TRPS1: variants seen among roughly 807,000 people sequenced by gnomAD.
The protein encoded by TRPS1 is zinc finger transcription factor Trps1.
TRPS1 carries 6 observed loss-of-function variants against 101.2 expected under a neutral mutation model. The observed-to-expected ratio is 0.06, with a 90% CI of 0.03 to 0.12. TRPS1 has a LOEUF of 0.12. Among genes scored for constraint, TRPS1 ranks in the 10% least tolerant of loss-of-function variants. The pLI, the probability that TRPS1 is intolerant of heterozygous loss-of-function variation, is 1.00. For synonymous variants in TRPS1, 578 were observed against 589.8 expected (o/e 0.98, Z 0.29); for missense variants, 1,363 against 1,567.0 (o/e 0.87, Z 2.20).
At chr8:115,534,560 AGT>A (rs1816235112) in intron 5 of TRPS1, among the ~76,000 whole-genome samples, 2 of 152,388 alleles carry the variant, frequency 1.3e-5, no homozygotes, top group Admixed American at 1.3e-4. Context: ...AGCAACATTC[AGT>A]CATAACACAT....
At chr8:115,501,296 T>C (rs1815313566) in intron 5 of TRPS1, among the ~76,000 whole-genome samples, 1 of 152,182 alleles carries the variant, frequency 6.6e-6, no homozygotes, top group African/African-American at 2.4e-5. Context: ...CTATGTTAGG[T>C]GGTAGAGAAC....
chr8:115,534,423 G>A (rs1226796781), intron 5 of TRPS1, among the ~76,000 whole-genome samples: 7 of 112,956 alleles, frequency 6.2e-5, no homozygotes, highest in African/African-American at 1.7e-4. Flanking sequence ...AGCTCTAACC[G>A]CAGTACCATC....
intron 1 of TRPS1, among the ~76,000 whole-genome samples, chr8:115,663,766 G>A (rs1264002503): frequency 1.4e-5 from 2 of 146,518 alleles, no homozygotes; most frequent in African/African-American, 2.5e-5. Context: ...AAAGTAGACC[G>A]CTACGATAAT....
chr8:115,572,734 G>C (rs573247346), intron 5 of TRPS1, among the ~76,000 whole-genome samples: 132 of 152,170 alleles, frequency 8.7e-4, no homozygotes, highest in Admixed American at 8.2e-3. Flanking sequence ...CTATCCATTA[G>C]ATATTTTCAT....
chr8:115,479,827 C>T (rs1345669933), intron 5 of TRPS1, among the ~76,000 whole-genome samples: 1 of 152,070 alleles, frequency 6.6e-6, no homozygotes, highest in Non-Finnish European at 1.5e-5. Context: ...TGACGTAAAC[C>T]TCAAATATAT....
At chr8:115,538,944 T>C (rs1012508778) in intron 5 of TRPS1, among the ~76,000 whole-genome samples, 2 of 152,194 alleles carry the variant, frequency 1.3e-5, no homozygotes, top group African/African-American at 4.8e-5. Context: ...AGTAAAGTAT[T>C]CTCTTACCTT....
intron 1 of TRPS1, among the ~76,000 whole-genome samples, chr8:115,662,273 A>C (rs1333809658): frequency 6.6e-6 from 1 of 151,716 alleles, no homozygotes; most frequent in Non-Finnish European, 1.5e-5. Flanking sequence ...TAAAGACTGT[A>C]CTCTTCCTTG....
At chr8:115,655,102 G>C (rs2130617297) in intron 1 of TRPS1, among the ~76,000 whole-genome samples, 1 of 152,210 alleles carries the variant, frequency 6.6e-6, no homozygotes, top group South Asian at 2.1e-4. Flanking sequence ...TTTATCTTCA[G>C]TTTTCTTGTT....
intron 5 of TRPS1, among the ~76,000 whole-genome samples, chr8:115,569,903 C>G (rs1239933212): frequency 6.6e-6 from 1 of 151,750 alleles, no homozygotes; most frequent in African/African-American, 2.4e-5. Context: ...AACCTAGAGT[C>G]AATTTTATTA....
intron 5 of TRPS1, among the ~76,000 whole-genome samples, chr8:115,557,345 A>G (rs1422080271): frequency 6.6e-6 from 1 of 152,152 alleles, no homozygotes; most frequent in Admixed American, 6.5e-5. Context: ...CATGACTACA[A>G]TGAAACTTTC....
chr8:115,549,482 T>C (rs949089533), intron 5 of TRPS1, among the ~76,000 whole-genome samples: 1 of 152,166 alleles, frequency 6.6e-6, no homozygotes, highest in Non-Finnish European at 1.5e-5. Flanking sequence ...AAGAATGTTC[T>C]CATATATAGT....
At chr8:115,595,734 G>C (rs1263393249) in intron 4 of TRPS1, among the ~76,000 whole-genome samples, 2 of 151,880 alleles carry the variant, frequency 1.3e-5, no homozygotes, top group African/African-American at 4.8e-5. Flanking sequence ...CAATGGAATT[G>C]AAACTGTGGC....
intron 5 of TRPS1, among the ~76,000 whole-genome samples, chr8:115,555,226 A>C (rs113983970): frequency 3.7e-4 from 57 of 152,292 alleles, no homozygotes; most frequent in African/African-American, 1.3e-3. Flanking sequence ...CTGTACTGCT[A>C]ACTTCGCTCT....
chr8:115,640,573 T>C (rs903048973), intron 1 of TRPS1, among the ~76,000 whole-genome samples: 1 of 152,188 alleles, frequency 6.6e-6, no homozygotes, highest in Non-Finnish European at 1.5e-5. Flanking sequence ...AGTACTAATA[T>C]GAACACGCAT....
rs748687048 is a variant in TRPS1 at position 115,604,288 on chromosome 8, G to A, written c.1681C>T (p.Arg561Cys). ...ATGTTATGGAGCTGTTGATAATGAC[G>A]GAGAAGTGGCCCCACTACAATTACA... ...PDVIVVGPLL[R>C]HYQQLHNIHK... Residue 561 changes from arginine (R) to cysteine (C), a missense_variant, in exon 4 of 7, where the codon CGT becomes TGT. Coordinates refer to ENST00000395715, the MANE Select transcript of TRPS1 (RefSeq NM_014112.5). This position sits in a 1 kb window ranked among gnomAD's most constrained non-coding sequence, Gnocchi z 4.1. 13 of 1,613,966 alleles carry A rather than the reference G, an allele frequency of 8.1e-6. No individual in the cohort carries two copies. Among genetic ancestry groups the A allele is most frequent in the African/African-American group, 2.7e-5 (2 of 74,910 alleles).
At chr8:115,475,637 T>C (rs1284914811) in intron 5 of TRPS1, among the ~76,000 whole-genome samples, 3 of 152,184 alleles carry the variant, frequency 2.0e-5, no homozygotes, top group Admixed American at 2.0e-4. Context: ...TACTAAATAG[T>C]AAACCACAGA....
At chr8:115,625,231 C>T (rs2205379) in intron 1 of TRPS1, among the ~76,000 whole-genome samples, 2 of 151,782 alleles carry the variant, frequency 1.3e-5, no homozygotes, top group African/African-American at 4.8e-5. Flanking sequence ...GAGTAAAAAT[C>T]GTATGGAAAT....
At chr8:115,626,369 G>A (rs536253923) in intron 1 of TRPS1, among the ~76,000 whole-genome samples, 2 of 151,094 alleles carry the variant, frequency 1.3e-5, no homozygotes, top group South Asian at 4.2e-4. Context: ...TAAAATGCAA[G>A]AGAACATTGT....
At chr8:115,447,944 C>G (rs1387363328) in intron 5 of TRPS1, among the ~76,000 whole-genome samples, 2 of 152,038 alleles carry the variant, frequency 1.3e-5, no homozygotes, top group African/African-American at 4.8e-5. Context: ...AAAGAGAATA[C>G]ATTTTATGCT....
Sources: gnomAD v4.1 joint callset for allele counts (sites outside exome capture counted in the v4.1 genomes callset) on GRCh38, gnomAD v4.1.1 for gene constraint, Gnocchi (gnomAD v3.1) non-coding constraint, MANE v1.5 for transcripts, NCBI Gene and HGNC (gene_info 2026-07-23, HGNC 2026-07-21) for gene names.